DEK: variants seen among roughly 807,000 people sequenced by gnomAD.
The protein encoded by DEK is protein DEK.
Under a neutral mutation model 46.8 loss-of-function variants are expected in DEK, and 28 were observed. The observed-to-expected ratio is 0.60, with a 90% CI of 0.44 to 0.82. DEK has a LOEUF of 0.82. DEK is among the 40% of genes least tolerant of loss of function. The probability of loss-of-function intolerance (pLI) is 0.00; values close to 1 mark genes in which losing one functional copy is unlikely to be tolerated. For synonymous variants in DEK, 160 were observed against 144.5 expected, an observed-to-expected ratio of 1.11 and a Z score of -0.77; for missense variants, 416 against 430.6, an observed-to-expected ratio of 0.97 and a Z score of 0.30.
At chr6:18,251,226 T>C (rs980464862) in intron 6 of DEK, among the ~76,000 whole-genome samples, 1 of 152,216 alleles carries the variant, frequency 6.6e-6, no homozygotes, top group African/African-American at 2.4e-5. Flanking sequence ...GTTACTTTAT[T>C]TTCTGCAATA....
chr6:18,236,234 T>A (rs911850558), intron 9 of DEK, among the ~76,000 whole-genome samples: 4 of 152,224 alleles, frequency 2.6e-5, no homozygotes, highest in Admixed American at 1.3e-4. Context: ...ACTCTAACTT[T>A]ATTCATTTTA....
At position 18,237,716 on chromosome 6, in the gene DEK, TCA is replaced by T. The variant is rs370681153; in HGVS notation, c.763-202_763-201del. On this transcript the variant is annotated intron_variant, in intron 7 of 10. Coordinates refer to ENST00000652689, the MANE Select transcript of DEK (RefSeq NM_003472.4). ...CAAGTCTAAGCATGACAAATCACAA[TCA>T]CACACACACAAGAGTTGCCCATATT... is the stretch of plus-strand genomic sequence containing the variant. Among the ~76,000 whole-genome samples the T allele has an allele frequency of 1.7e-3, 265 of 151,970 alleles. 2 individuals are homozygous for T. The highest frequency in any genetic ancestry group is 5.7e-3 in the African/African-American group (238 of 41,484).
chr6:18,246,307 GA>G (rs1791114093), intron 7 of DEK, among the ~76,000 whole-genome samples: 2 of 152,286 alleles, frequency 1.3e-5, no homozygotes, highest in South Asian at 2.1e-4. Flanking sequence ...CAATGTCCAA[GA>G]GACAAGCTAA....
intron 1 of DEK, 40 bp downstream of exon 1, chr6:18,264,345 A>AGGGGCGAC (rs1792020334): frequency 5.8e-6 from 1 of 171,236 alleles, no homozygotes; most frequent in Admixed American, 6.6e-5. Context: ...CGGCCGCGGC[A>AGGGGCGAC]GGGGCGACCG....
At chr6:18,250,470 A>G (rs1791322380) in intron 6 of DEK, among the ~76,000 whole-genome samples, 1 of 152,168 alleles carries the variant, frequency 6.6e-6, no homozygotes, top group South Asian at 2.1e-4. Flanking sequence ...CTCCGTCTCA[A>G]AAAAACACAA....
At chr6:18,234,720 C>A (rs552125812) in intron 9 of DEK, among the ~76,000 whole-genome samples, 2 of 152,194 alleles carry the variant, frequency 1.3e-5, no homozygotes, top group South Asian at 4.1e-4. Context: ...ACAGGACCAC[C>A]CTTCACCTCT....
intron 9 of DEK, among the ~76,000 whole-genome samples, chr6:18,228,578 C>T (rs888887859): frequency 5.9e-5 from 9 of 152,158 alleles, no homozygotes; most frequent in South Asian, 2.1e-4. Context: ...GGCAAGGCAT[C>T]GCCTCACCTG....
Position 18,230,499 on chromosome 6 carries a change from A to T in DEK, c.1048-4257T>A, listed in dbSNP as rs1472492713. 2.6e-5 allele frequency among the ~76,000 whole-genome samples: 4 copies of T among 152,208 alleles called. No homozygotes were observed. The South Asian group carries it at 8.3e-4, about 32-fold the overall frequency. ...CAGGAGACCCATCTCATGTGCAGAG[A>T]CACACATAGGCTCAAAATGAAGGGA... On this transcript the variant is annotated intron_variant, in intron 9 of 10. Transcript: ENST00000652689.
intron 7 of DEK, among the ~76,000 whole-genome samples, chr6:18,245,766 G>C (rs1398989082): frequency 6.6e-6 from 1 of 152,206 alleles, no homozygotes; most frequent in Non-Finnish European, 1.5e-5. Flanking sequence ...AACCTCAACG[G>C]CTCATTGATA....
intron 10 of DEK, 170 bp downstream of exon 10, chr6:18,226,004 T>G (rs1464419201): frequency 1.3e-6 from 1 of 779,264 alleles, no homozygotes; most frequent in East Asian, 3.2e-5. Context: ...AAACTTTAAT[T>G]TTAAGCTTTA....
chr6:18,226,328 C>A, intron 9 of DEK, 86 bp from the exon 10 acceptor site: 1 of 1,157,294 alleles, frequency 8.6e-7, no homozygotes, highest in Non-Finnish European at 1.1e-6. Context: ...AGGAAATCTG[C>A]TACGTGCAAA....
intron 2 of DEK, among the ~76,000 whole-genome samples, chr6:18,261,821 C>T (rs1470306868): frequency 6.6e-6 from 1 of 152,130 alleles, no homozygotes; most frequent in Admixed American, 6.5e-5. Context: ...TGTGTTAATG[C>T]TGAAACAAGA....
chr6:18,226,159 G>T lies in DEK; in HGVS notation c.1116+15C>A. The T allele has an allele frequency of 3.1e-6, 4 of 1,300,154 alleles. No homozygotes were observed. Among genetic ancestry groups the T allele is most frequent in the Non-Finnish European group, 4.1e-6 (4 of 978,668 alleles). The allele number at this position is 1,300,154 out of a possible 1,614,324, so 80.5% of individuals were successfully genotyped here. On this transcript the variant is annotated intron_variant, in intron 10 of 10. Coordinates refer to ENST00000652689, the MANE Select transcript of DEK (RefSeq NM_003472.4). Reference sequence around the variant, plus strand: ...TATATTTCTAAAGTCAAACTTGAAAGACTGAAATATTTACCTCTTTTACAG... The same window carrying T: ...TATATTTCTAAAGTCAAACTTGAAATACTGAAATATTTACCTCTTTTACAG...
At chr6:18,225,903 A>T in intron 10 of DEK, 173 bp from the exon 11 acceptor site, 1 of 799,924 alleles carries the variant, frequency 1.3e-6, no homozygotes, top group South Asian at 1.9e-5. Flanking sequence ...TTCCTCAAGT[A>T]TTTGTGAGAG....
chr6:18,259,816 G>C (rs562259338), intron 2 of DEK, among the ~76,000 whole-genome samples: 3 of 152,192 alleles, frequency 2.0e-5, no homozygotes, highest in Non-Finnish European at 2.9e-5. Context: ...CTTAGATTTA[G>C]TAATGTAAGG....
Position 18,264,515 on chromosome 6 carries a change from C to T in DEK, c.-140G>A. ...TGACGCTCGCGCCGCGCGCTCGGCT[C>T]CCCAGAATCAACAAGATTTTCAAAA... On this transcript the variant is annotated 5_prime_UTR_variant, in exon 1 of 11. Coordinates refer to ENST00000652689, the MANE Select transcript of DEK (RefSeq NM_003472.4). 1 of 232,560 alleles carries T rather than the reference C, an allele frequency of 4.3e-6. No homozygotes were observed. Among genetic ancestry groups the T allele is most frequent in the Non-Finnish European group, 8.8e-6 (1 of 113,462 alleles). 14.4% of individuals were successfully genotyped at this position (232,560 alleles called of 1,614,324 possible).
intron 2 of DEK, among the ~76,000 whole-genome samples, chr6:18,263,491 A>C (rs1791965627): frequency 6.6e-6 from 1 of 152,156 alleles, no homozygotes; most frequent in African/African-American, 2.4e-5. Flanking sequence ...ACATCCACTT[A>C]GCAACTTCAA....
chr6:18,262,782 G>A (rs1310291652), intron 2 of DEK, among the ~76,000 whole-genome samples: 1 of 151,854 alleles, frequency 6.6e-6, no homozygotes, highest in Admixed American at 6.5e-5. Flanking sequence ...AAAATAACAT[G>A]TTGTTAAGCA....
At chr6:18,251,837 A>G (rs1791386216) in intron 6 of DEK, among the ~76,000 whole-genome samples, 1 of 152,176 alleles carries the variant, frequency 6.6e-6, no homozygotes, top group Non-Finnish European at 1.5e-5. Context: ...CTGTATATCG[A>G]ATTATTAGTA....
Sources: allele counts gnomAD v4.1 joint callset (sites outside exome capture counted in the v4.1 genomes callset), GRCh38; gene constraint gnomAD v4.1.1; transcripts MANE v1.5; gene names NCBI Gene and HGNC (gene_info 2026-07-23, HGNC 2026-07-21).